The following KIAA1549L variants were observed in gnomAD, a reference collection of about 807,000 sequenced individuals.
KIAA1549L encodes KIAA1549 like, also known as UPF0606 protein KIAA1549L.
Under a neutral mutation model 160.7 loss-of-function variants are expected in KIAA1549L, and 88 were observed. That is an observed-to-expected ratio of 0.55 (90% CI 0.46 to 0.65). KIAA1549L has a LOEUF of 0.65. Ranked by LOEUF, KIAA1549L falls within the 30% of genes least tolerant of loss-of-function variation. The pLI is 0.00. For missense variants in KIAA1549L, 2,258 were observed against 2,437.5 expected (o/e 0.93, Z 1.55); for synonymous variants, 950 against 976.7 (o/e 0.97, Z 0.51).
At chr11:33,621,590 T>C (rs904675615) in intron 16 of KIAA1549L, among the ~76,000 whole-genome samples, 4 of 152,162 alleles carry the variant, frequency 2.6e-5, no homozygotes, top group African/African-American at 9.7e-5. Context: ...AAAATATCTC[T>C]ATTTCAAAGT....
Position 33,618,600 on chromosome 11 carries a change from G to A in KIAA1549L, c.5347G>A (p.Glu1783Lys), listed in dbSNP as rs1257174802. The A allele has an allele frequency of 4.3e-6, 7 of 1,610,232 alleles. No individual in the cohort carries two copies. Among genetic ancestry groups the A allele is most frequent in the South Asian group, 1.1e-5 (1 of 90,420 alleles). The part of the protein sequence containing the change: ...SLNSPSPGET[E>K]MDLLVTRERP... The stretch of plus-strand genomic sequence containing the variant: ...GAACAGCCCGAGTCCAGGGGAAACC[G>A]AGATGGACCTTCTGGTGACTCGGGA... The change falls in exon 16 of 21, where the codon GAG becomes AAG. Residue 1783 changes from glutamate (E) to lysine (K), a missense_variant. Physicochemically the swap from Glu to Lys is moderately conservative, Grantham distance 56. Transcript: ENST00000658780.
chr11:33,542,229 A>C lies in KIAA1549L; in HGVS notation c.666A>C (p.Pro222=). 1.5e-6 allele frequency: 1 copy of C among 658,558 alleles called. No homozygotes were observed. The allele number at this position is 658,558 out of a possible 1,614,324, so 40.8% of individuals were successfully genotyped here. The stretch of plus-strand genomic sequence containing the variant: ...TCAGTGCTGTCCCCCCATCCCAGCC[A>C]GTATGGGCAGGGACTTCCTCCATTT... ...TSFSAVPPSQ[P]VWAGTSSISK... Residue 222 remains proline (P), a synonymous_variant, in exon 2 of 21, where the codon CCA becomes CCC. Coordinates refer to ENST00000658780, the MANE Select transcript of KIAA1549L (RefSeq NM_012194.3).
At chr11:33,512,388 TAC>T (rs1853246925) in intron 1 of KIAA1549L, among the ~76,000 whole-genome samples, 1 of 152,216 alleles carries the variant, frequency 6.6e-6, no homozygotes, top group South Asian at 2.1e-4. Flanking sequence ...AATTAATAAA[TAC>T]ACAGTTTTAA....
chr11:33,578,615 A>G (rs1439929605), intron 10 of KIAA1549L, among the ~76,000 whole-genome samples: 1 of 152,236 alleles, frequency 6.6e-6, no homozygotes, highest in Non-Finnish European at 1.5e-5. Context: ...TTCACAGAAT[A>G]AAATCCAAAC....
intron 1 of KIAA1549L, among the ~76,000 whole-genome samples, chr11:33,444,312 A>G: frequency 6.6e-6 from 1 of 152,360 alleles, no homozygotes; most frequent in Middle Eastern, 3.4e-3. Context: ...TCTATATAAT[A>G]AAATCCTATG....
At chr11:33,430,364 A>G (rs1457994409) in intron 1 of KIAA1549L, among the ~76,000 whole-genome samples, 1 of 151,508 alleles carries the variant, frequency 6.6e-6, no homozygotes, top group Non-Finnish European at 1.5e-5. Context: ...GGGGTGATGT[A>G]GGTGGGGTGA....
intron 1 of KIAA1549L, among the ~76,000 whole-genome samples, chr11:33,386,846 C>T (rs966942445): frequency 2.0e-5 from 3 of 152,262 alleles, no homozygotes; most frequent in African/African-American, 7.2e-5. Flanking sequence ...GTGGCTCAAT[C>T]CTGTAATCCC....
chr11:33,602,864 A>G (rs905694033), intron 13 of KIAA1549L, among the ~76,000 whole-genome samples: 5 of 152,242 alleles, frequency 3.3e-5, no homozygotes, highest in African/African-American at 9.6e-5. Flanking sequence ...TCAAAAGCCT[A>G]GAGGAATTGT....
chr11:33,455,498 A>G (rs941654862), intron 1 of KIAA1549L, among the ~76,000 whole-genome samples: 7 of 152,090 alleles, frequency 4.6e-5, no homozygotes, highest in African/African-American at 2.4e-5. Flanking sequence ...GATTAAAGCA[A>G]TCATATATAT....
chr11:33,447,469 TCCATCCACCCACCCAC>T (rs987408249), intron 1 of KIAA1549L, among the ~76,000 whole-genome samples: 7 of 143,870 alleles, frequency 4.9e-5, no homozygotes, highest in African/African-American at 1.6e-4. Context: ...CATCCATCCA[TCCATCCACCCACCCAC>T]CCACCCACCC....
intron 1 of KIAA1549L, among the ~76,000 whole-genome samples, chr11:33,418,593 G>A (rs952736296): frequency 2.6e-5 from 4 of 152,186 alleles, no homozygotes; most frequent in Non-Finnish European, 5.9e-5. Flanking sequence ...AGTTTCATGA[G>A]TTGGATTTAT....
chr11:33,491,622 T>C (rs371127558), intron 1 of KIAA1549L, among the ~76,000 whole-genome samples: 140 of 152,348 alleles, frequency 9.2e-4, no homozygotes, highest in African/African-American at 3.3e-3. Flanking sequence ...TAAAACATCC[T>C]TCCCAACAAA....
intron 1 of KIAA1549L, among the ~76,000 whole-genome samples, chr11:33,389,284 T>C (rs1850229255): frequency 6.6e-6 from 1 of 152,174 alleles, no homozygotes; most frequent in Non-Finnish European, 1.5e-5. Context: ...TTACCAGGTG[T>C]CAACAGCAAA....
At chr11:33,653,463 C>T (rs1017406202) in intron 17 of KIAA1549L, among the ~76,000 whole-genome samples, 2 of 152,196 alleles carry the variant, frequency 1.3e-5, no homozygotes, top group Non-Finnish European at 2.9e-5. Flanking sequence ...TGGGTGCTAA[C>T]GAGAAGCCAT....
intron 1 of KIAA1549L, among the ~76,000 whole-genome samples, chr11:33,414,738 T>C (rs192008303): frequency 1.1e-4 from 16 of 152,320 alleles, no homozygotes; most frequent in Non-Finnish European, 2.1e-4. Flanking sequence ...TTAATGTACA[T>C]TACTTTGATT....
intron 16 of KIAA1549L, among the ~76,000 whole-genome samples, chr11:33,644,673 T>C (rs1851669367): frequency 6.6e-6 from 1 of 152,252 alleles, no homozygotes; most frequent in African/African-American, 2.4e-5. Flanking sequence ...GTAACTCTCC[T>C]GGTTGGAATG....
In KIAA1549L at chr11:33,653,561, A is replaced by C. The variant is rs566578671; in HGVS notation, c.5761-2451A>C. ...TTTGCCTTTGGTATTGTTTCACTAC[A>C]GTGTATCTAGATGTGTGTTTTACTT... On this transcript the variant is annotated intron_variant, in intron 17 of 20. Coordinates refer to ENST00000658780, the MANE Select transcript of KIAA1549L (RefSeq NM_012194.3). Among the ~76,000 whole-genome samples the C allele has an allele frequency of 2.0e-5, 3 of 152,298 alleles. No homozygotes were observed. In the Middle Eastern group the frequency reaches 0.01, roughly 518 times the overall value.
chr11:33,402,167 C>T (rs1223174256), intron 1 of KIAA1549L, among the ~76,000 whole-genome samples: 3 of 152,194 alleles, frequency 2.0e-5, no homozygotes, highest in African/African-American at 7.2e-5. Flanking sequence ...CTCTAGTCAC[C>T]TCACACTCAG....
At chr11:33,377,365 A>C (rs1849977908) in intron 1 of KIAA1549L, among the ~76,000 whole-genome samples, 1 of 152,200 alleles carries the variant, frequency 6.6e-6, no homozygotes, top group African/African-American at 2.4e-5. Context: ...TCTTTTGGGA[A>C]GGAGGTCTCT....
Sources: gnomAD v4.1 joint callset for allele counts (sites outside exome capture counted in the v4.1 genomes callset) on GRCh38, gnomAD v4.1.1 for gene constraint, MANE v1.5 for transcripts, NCBI Gene and HGNC (gene_info 2026-07-23, HGNC 2026-07-21) for gene names.